TBC1D31: variants seen among roughly 807,000 people sequenced by gnomAD.
TBC1D31 encodes the protein TBC1 domain family member 31.
Under a neutral mutation model 132.9 loss-of-function variants are expected in TBC1D31, and 99 were observed. The observed-to-expected ratio is 0.74, with a 90% CI of 0.63 to 0.88. TBC1D31 has a LOEUF of 0.88. TBC1D31 is among the 40% of genes least tolerant of loss of function. The pLI, the probability that TBC1D31 is intolerant of heterozygous loss-of-function variation, is 0.00. For missense variants in TBC1D31, 1,134 were observed against 1,256.6 expected (o/e 0.90, Z 1.48); for synonymous variants, 385 against 419.4 (o/e 0.92, Z 1.00).
At chr8:123,113,360 T>G (rs920633365) in intron 10 of TBC1D31, among the ~76,000 whole-genome samples, 4 of 152,218 alleles carry the variant, frequency 2.6e-5, no homozygotes, top group Non-Finnish European at 4.4e-5. Context: ...TTTTTCACTC[T>G]TTCATTAAGT....
chr8:123,075,014 A>G (rs1406640881), intron 1 of TBC1D31: 1 of 152,252 alleles, frequency 6.6e-6, no homozygotes, highest in Non-Finnish European at 1.5e-5. Flanking sequence ...GAATGTCACT[A>G]TTGTGATTAC....
Position 123,150,362 on chromosome 8 carries a change from T to C in TBC1D31, c.3067+234T>C, listed in dbSNP as rs768284151. On this transcript the variant is annotated intron_variant, in intron 21 of 21. Coordinates refer to ENST00000287380, the MANE Select transcript of TBC1D31 (RefSeq NM_145647.4). ...GCTGAATCCACTAAAGCCACTCCAG[T>C]TCTTGAGCACCAGCACTGCTGCCCA... Among the ~76,000 whole-genome samples the C allele has an allele frequency of 4.1e-4, 63 of 152,222 alleles. 1 individual carries two copies. The highest frequency in any genetic ancestry group is 1.5e-4 in the Non-Finnish European group (10 of 68,038).
chr8:123,140,938 G>A (rs370447605), intron 18 of TBC1D31, 37 bp downstream of exon 18: 2 of 1,585,838 alleles, frequency 1.3e-6, no homozygotes, highest in East Asian at 4.5e-5. Flanking sequence ...ATGCAGAGGA[G>A]AAATTTTCAT....
chr8:123,128,204 T>C, intron 13 of TBC1D31, 77 bp from the exon 14 acceptor site: 1 of 747,990 alleles, frequency 1.3e-6, no homozygotes, highest in Non-Finnish European at 2.2e-6. Flanking sequence ...TACACTTTTT[T>C]TAAATTCTTG....
chr8:123,084,589 G>T (rs929352515), intron 4 of TBC1D31, among the ~76,000 whole-genome samples: 1 of 152,102 alleles, frequency 6.6e-6, no homozygotes. Flanking sequence ...TTAGTTGATT[G>T]CTTTTGTTTT....
intron 3 of TBC1D31, 173 bp from the exon 4 acceptor site, chr8:123,083,989 C>T (rs1051005299): frequency 1.1e-5 from 6 of 542,150 alleles, no homozygotes; most frequent in East Asian, 5.9e-5. Flanking sequence ...TAACATGTTC[C>T]GTCATACACT....
At position 123,141,123 on chromosome 8, in the gene TBC1D31, G is replaced by GAAATACAAAGGAATTTCCTCA. The variant is rs560951867; in HGVS notation, c.2640+236_2640+237insTTCCTCAAAATACAAAGGAAT. On this transcript the variant is annotated intron_variant, in intron 18 of 21. Coordinates refer to ENST00000287380, the MANE Select transcript of TBC1D31 (RefSeq NM_145647.4). ...GCATGTCTTTTTCCTACAGTTTGAG[G>GAAATACAAAGGAATTTCCTCA]AAATACAAAGGAATAGTGACTTACA... is the stretch of plus-strand genomic sequence containing the variant. 8.2e-3 allele frequency among the ~76,000 whole-genome samples: 1,248 copies of GAAATACAAAGGAATTTCCTCA among 152,218 alleles called. 13 individuals are homozygous for GAAATACAAAGGAATTTCCTCA. Among genetic ancestry groups the GAAATACAAAGGAATTTCCTCA allele is most frequent in the African/African-American group, 0.029 (1,213 of 41,514 alleles).
chr8:123,102,264 A>G (rs1045154609), intron 7 of TBC1D31: 12 of 456,502 alleles, frequency 2.6e-5, no homozygotes, highest in African/African-American at 2.2e-4. Flanking sequence ...TTCGTGCTCA[A>G]AATTAATCAC....
chr8:123,116,598 A>C (rs4871351), intron 10 of TBC1D31, among the ~76,000 whole-genome samples: 68,698 of 151,634 alleles, frequency 0.45, 15,708 homozygotes, highest in Admixed American at 0.53. Context: ...ATATATTGCC[A>C]AGCTCTTTCT....
At chr8:123,119,978 T>G in intron 10 of TBC1D31, 77 bp from the exon 11 acceptor site, 1 of 1,298,486 alleles carries the variant, frequency 7.7e-7, no homozygotes, top group Non-Finnish European at 1.0e-6. Flanking sequence ...CCAAATATAC[T>G]TTTTGTATCA....
At chr8:123,115,859 C>T (rs965997290) in intron 10 of TBC1D31, among the ~76,000 whole-genome samples, 2 of 152,080 alleles carry the variant, frequency 1.3e-5, no homozygotes, top group African/African-American at 2.4e-5. Context: ...GATTAATGCC[C>T]TCACCCCAAG....
Position 123,109,615 on chromosome 8 carries a change from A to G in TBC1D31, c.1431A>G (p.Leu477=), listed in dbSNP as rs1818266708. 1 of 1,611,484 alleles carries G rather than the reference A, an allele frequency of 6.2e-7. No individual in the cohort carries two copies. Among genetic ancestry groups the G allele is most frequent in the Non-Finnish European group, 8.5e-7 (1 of 1,179,258 alleles). ...AAAGTAGGAAGCTACTCAGAGTATT[A>G]CAGAGGTATGTTCTATATATTGCAG... ...PIKSRKLLRV[L]QRTLSALAHW... Residue 477 remains leucine, a synonymous_variant, in exon 10 of 22, where the codon TTA becomes TTG. Coordinates refer to ENST00000287380, the MANE Select transcript of TBC1D31 (RefSeq NM_145647.4).
At chr8:123,075,237 T>C (rs575525515) in intron 1 of TBC1D31, among the ~76,000 whole-genome samples, 10 of 152,350 alleles carry the variant, frequency 6.6e-5, no homozygotes, top group African/African-American at 2.4e-4. Flanking sequence ...TTTTGTGTTT[T>C]TAATTCCTTG....
intron 10 of TBC1D31, among the ~76,000 whole-genome samples, chr8:123,113,025 C>T (rs756502600): frequency 6.6e-6 from 1 of 151,888 alleles, no homozygotes; most frequent in Non-Finnish European, 1.5e-5. Flanking sequence ...CATCAGATGC[C>T]GAAGGAATTA....
intron 6 of TBC1D31, among the ~76,000 whole-genome samples, chr8:123,100,112 G>T (rs1411206017): frequency 6.6e-6 from 1 of 152,066 alleles, no homozygotes; most frequent in Non-Finnish European, 1.5e-5. Flanking sequence ...TTATATCATT[G>T]TCTAATCCTC....
At chr8:123,109,285 G>A (rs1047105853) in intron 8 of TBC1D31, 32 bp from the exon 9 acceptor site, 14 of 1,464,674 alleles carry the variant, frequency 9.6e-6, no homozygotes, top group Admixed American at 1.9e-5. Flanking sequence ...TAATGATTGT[G>A]TCATTTATTA....
chr8:123,136,130 C>T (rs1821069764), intron 17 of TBC1D31, among the ~76,000 whole-genome samples: 1 of 152,246 alleles, frequency 6.6e-6, no homozygotes, highest in South Asian at 2.1e-4. Context: ...AACCACCGTA[C>T]AGTTCTCAAA....
intron 2 of TBC1D31, among the ~76,000 whole-genome samples, chr8:123,081,521 A>G (rs1398560931): frequency 1.3e-5 from 2 of 152,234 alleles, no homozygotes; most frequent in Admixed American, 1.3e-4. Flanking sequence ...AAAAGTGTAA[A>G]ATATCTCAAT....
chr8:123,077,311 C>T, intron 2 of TBC1D31, 54 bp downstream of exon 2: 11 of 1,485,442 alleles, frequency 7.4e-6, no homozygotes, highest in Non-Finnish European at 7.3e-6. Context: ...AATTCACTGA[C>T]TGTTTTCGTA....
Sources: gnomAD v4.1 joint callset for allele counts (sites outside exome capture counted in the v4.1 genomes callset) on GRCh38, gnomAD v4.1.1 for gene constraint, MANE v1.5 for transcripts, NCBI Gene and HGNC (gene_info 2026-07-23, HGNC 2026-07-21) for gene names.